SEM1: variants seen among roughly 807,000 people sequenced by gnomAD.
SEM1 encodes 26S proteasome complex subunit SEM1.
A neutral mutation model predicts 12.7 loss-of-function variants in SEM1; 3 were observed. The observed-to-expected ratio is 0.24, with a 90% CI of 0.11 to 0.61. SEM1 has a LOEUF of 0.61. Ranked by LOEUF, SEM1 falls within the 20% of genes least tolerant of loss-of-function variation. SEM1 has a pLI of 0.88. For missense variants in SEM1, 59 were observed against 81.3 expected, an observed-to-expected ratio of 0.73 and a Z score of 1.06; for synonymous variants, 30 against 27.8, an observed-to-expected ratio of 1.08 and a Z score of -0.25.
chr7:96,670,151 A>G (rs1227538667), downstream of SEM1, among the ~76,000 whole-genome samples: 3 of 152,202 alleles, frequency 2.0e-5, no homozygotes. Flanking sequence ...AAGTAATAAT[A>G]AAATCTACAA....
intron 2 of SEM1, among the ~76,000 whole-genome samples, chr7:96,511,926 T>C (rs1803946200): frequency 6.6e-6 from 1 of 152,120 alleles, no homozygotes; most frequent in Non-Finnish European, 1.5e-5. Context: ...CCTGACATTC[T>C]TGTTAAATTT....
chr7:96,693,577 C>T (rs1409235631), intron 2 of SEM1, among the ~76,000 whole-genome samples: 7 of 151,780 alleles, frequency 4.6e-5, no homozygotes, highest in African/African-American at 9.7e-5. Flanking sequence ...GATTAAAATA[C>T]GGCTATAATT....
chr7:96,484,231 C>T (rs1248846817), intron 3 of SEM1, among the ~76,000 whole-genome samples: 3 of 152,160 alleles, frequency 2.0e-5, no homozygotes, highest in Non-Finnish European at 4.4e-5. Flanking sequence ...AGAGTGTACT[C>T]ATGTAGCCAC....
intron 2 of SEM1, among the ~76,000 whole-genome samples, chr7:96,585,912 A>G (rs918125747): frequency 6.6e-6 from 1 of 152,248 alleles, no homozygotes; most frequent in African/African-American, 2.4e-5. Flanking sequence ...ATGGAAATGC[A>G]GAAATCACCC....
chr7:96,486,123 G>A (rs1802745166), intron 2 of SEM1: 1 of 994,342 alleles, frequency 1.0e-6, no homozygotes, highest in East Asian at 2.6e-5. Context: ...TTTAGTTTTA[G>A]TATCTGGTGT....
chr7:96,679,531 C>T (rs760975305), intron 2 of SEM1, among the ~76,000 whole-genome samples: 3 of 151,884 alleles, frequency 2.0e-5, no homozygotes, highest in East Asian at 3.9e-4. Flanking sequence ...TTTAATGATG[C>T]CATTATTTTT....
intron 2 of SEM1, among the ~76,000 whole-genome samples, chr7:96,572,288 C>T (rs185204889): frequency 1.1e-4 from 16 of 152,204 alleles, no homozygotes; most frequent in African/African-American, 2.9e-4. Flanking sequence ...TTCTTCAGTT[C>T]TGCTCTGATC....
rs146410482 is a variant in SEM1, at chr7:96,675,599, A to T, written c.171-1740T>A. On this transcript the variant is annotated intron_variant, in intron 2 of 2. Transcript: ENST00000413065. ...ATAACTCCCCAGTCTCTCCTTGGGG[A>T]TAACTCAAATGGCGTGTGGTCTTAG... is the stretch of plus-strand genomic sequence containing the variant. Among the ~76,000 whole-genome samples, 10 of 152,248 alleles carry T rather than the reference A, an allele frequency of 6.6e-5. No individual in the cohort carries two copies. The East Asian group carries it at 1.7e-3, about 27-fold the overall frequency.
At chr7:96,651,931 GA>G (rs1366073371) in intron 2 of SEM1, among the ~76,000 whole-genome samples, 1 of 152,140 alleles carries the variant, frequency 6.6e-6, no homozygotes, top group Non-Finnish European at 1.5e-5. Flanking sequence ...CTCAAGTCTG[GA>G]AATTACTTTA....
chr7:96,511,797 A>G (rs1321707678), intron 2 of SEM1, among the ~76,000 whole-genome samples: 1 of 152,070 alleles, frequency 6.6e-6, no homozygotes, highest in East Asian at 1.9e-4. Flanking sequence ...ATTGCCTCTC[A>G]CTGGGTTGCA....
At chr7:96,511,830 G>A (rs954063680) in intron 2 of SEM1, among the ~76,000 whole-genome samples, 10 of 151,976 alleles carry the variant, frequency 6.6e-5, no homozygotes, top group African/African-American at 2.2e-4. Context: ...TGATGTGAAC[G>A]TTACATGTGG....
intron 2 of SEM1, among the ~76,000 whole-genome samples, chr7:96,625,023 A>G (rs764059415): frequency 6.6e-6 from 1 of 152,132 alleles, no homozygotes; most frequent in South Asian, 2.1e-4. Flanking sequence ...TGAAAACGTT[A>G]TTTATCAGGA....
intron 2 of SEM1, among the ~76,000 whole-genome samples, chr7:96,559,643 G>A (rs1225985852): frequency 1.3e-5 from 2 of 152,182 alleles, no homozygotes. Flanking sequence ...TTTTGTGTTA[G>A]TAAATAAAGA....
chr7:96,527,125 T>C (rs1004460511), intron 2 of SEM1, among the ~76,000 whole-genome samples: 2 of 151,716 alleles, frequency 1.3e-5, no homozygotes, highest in African/African-American at 4.8e-5. Flanking sequence ...GAAAGATATA[T>C]AATGCATACC....
chr7:96,656,714 T>A lies in SEM1; in HGVS notation c.171-34071A>T, dbSNP rs2116489510. 2.6e-5 allele frequency: 4 copies of A among 152,000 alleles called. No homozygotes were observed. In the South Asian group the frequency reaches 8.3e-4, roughly 32 times the overall value. 9.4% of individuals were successfully genotyped at this position (152,000 alleles called of 1,614,324 possible). Reference sequence around the variant, plus strand: ...GTGGTAAAAGATGAAGTGATAAAAATAATCTCTGAATCCCAAAATGTCTGC... The same window carrying A: ...GTGGTAAAAGATGAAGTGATAAAAAAAATCTCTGAATCCCAAAATGTCTGC... On this transcript the variant is annotated intron_variant, in intron 2 of 2. Coordinates refer to the SEM1 transcript ENST00000417009.
At chr7:96,706,594 A>G (rs113666159) in intron 1 of SEM1, among the ~76,000 whole-genome samples, 7,801 of 119,858 alleles carry the variant, frequency 0.065, 142 homozygotes, top group East Asian at 0.08. Flanking sequence ...AAAAAAAAAA[A>G]AGAGAGAGAG....
intron 2 of SEM1, among the ~76,000 whole-genome samples, chr7:96,637,847 C>T (rs145063900): frequency 6.6e-6 from 1 of 151,896 alleles, no homozygotes; most frequent in South Asian, 2.1e-4. Flanking sequence ...CTGATATGCA[C>T]CTTAGGCTGT....
At chr7:96,484,932 CA>C in intron 2 of SEM1, 4 of 835,880 alleles carry the variant, frequency 4.8e-6, no homozygotes, top group African/African-American at 1.8e-5. Context: ...GAAATGGGAA[CA>C]CCATATCCTA....
exon 4 of SEM1, chr7:96,482,382 T>C (rs1802575202): frequency 1.3e-5 from 2 of 152,198 alleles, no homozygotes; most frequent in Admixed American, 1.3e-4. Context: ...CTAAAATATC[T>C]CTTGCCCAGA....
Sources: gnomAD v4.1 joint callset for allele counts (sites outside exome capture counted in the v4.1 genomes callset) on GRCh38, gnomAD v4.1.1 for gene constraint, MANE v1.5 for transcripts, NCBI Gene and HGNC (gene_info 2026-07-23, HGNC 2026-07-21) for gene names.